The following SLAIN2 variants were observed in gnomAD, a reference collection of about 807,000 sequenced individuals.
SLAIN2 encodes SLAIN family member 2, also known as SLAIN motif-containing protein 2.
In SLAIN2, 31 loss-of-function variants were observed where a neutral mutation model predicts 56.6. The observed-to-expected ratio is 0.55, with a 90% CI of 0.41 to 0.74. The LOEUF (loss-of-function observed/expected upper bound fraction) is 0.74, where lower values mean the gene tolerates loss of function less well. Ranked by LOEUF, SLAIN2 falls within the 30% of genes least tolerant of loss-of-function variation. The pLI, the probability that SLAIN2 is intolerant of heterozygous loss-of-function variation, is 0.00. For synonymous variants in SLAIN2, 317 were observed against 284.9 expected (o/e 1.11, Z -1.13); for missense variants, 777 against 754.2 (o/e 1.03, Z -0.35).
intron 1 of SLAIN2, among the ~76,000 whole-genome samples, chr4:48,360,056 A>G (rs1032629953): frequency 2.6e-5 from 4 of 151,936 alleles, no homozygotes; most frequent in Admixed American, 2.6e-4. Flanking sequence ...CAGGAGGCTG[A>G]GGCAGGAGAA....
At chr4:48,364,284 G>A (rs1280651954) in intron 1 of SLAIN2, among the ~76,000 whole-genome samples, 1,186 of 92,106 alleles carry the variant, frequency 0.013, 8 homozygotes, top group Middle Eastern at 0.033. Flanking sequence ...GATGGGCGGC[G>A]GGGCAGAGAC....
At chr4:48,374,148 G>T (rs1177244827) in intron 2 of SLAIN2, among the ~76,000 whole-genome samples, 1 of 152,196 alleles carries the variant, frequency 6.6e-6, no homozygotes, top group African/African-American at 2.4e-5. Context: ...GAAGAGTAAG[G>T]AAAGGAGAGA....
chr4:48,347,037 A>G (rs1026813616), intron 1 of SLAIN2, among the ~76,000 whole-genome samples: 5 of 151,470 alleles, frequency 3.3e-5, no homozygotes, highest in African/African-American at 4.9e-5. Context: ...TTTTTTCTTT[A>G]ATGGAACAAA....
chr4:48,382,468 C>A, intron 4 of SLAIN2, 100 bp from the exon 5 acceptor site: 1 of 1,234,178 alleles, frequency 8.1e-7, no homozygotes, highest in Non-Finnish European at 1.1e-6. Context: ...ACACTTTACA[C>A]CCTCTTTGAA....
At chr4:48,373,760 G>A (rs1277271641) in intron 2 of SLAIN2, among the ~76,000 whole-genome samples, 1 of 152,152 alleles carries the variant, frequency 6.6e-6, no homozygotes, top group African/African-American at 2.4e-5. Flanking sequence ...AAGAGATGTG[G>A]CCGGGCGCAG....
At position 48,370,897 on chromosome 4, in the gene SLAIN2, G is replaced by A. The variant is rs1577718597; in HGVS notation, c.538+900G>A. ...TATGTGCTTTGTGGTTAGAGTTTAA[G>A]CTGAAAATGGTCACAGGAAGCAGAG... is the stretch of plus-strand genomic sequence containing the variant. On this transcript the variant is annotated intron_variant, in intron 2 of 7. Transcript: ENST00000264313. 2.0e-5 allele frequency among the ~76,000 whole-genome samples: 3 copies of A among 152,098 alleles called. No homozygotes were observed. The East Asian group carries it at 5.8e-4, about 29-fold the overall frequency.
At chr4:48,354,446 C>G (rs1270225792) in intron 1 of SLAIN2, among the ~76,000 whole-genome samples, 1 of 147,408 alleles carries the variant, frequency 6.8e-6, no homozygotes, top group Non-Finnish European at 1.5e-5. Flanking sequence ...AGAGAGAGAT[C>G]CTCGTTAATT....
chr4:48,371,481 A>G (rs1715662293), intron 2 of SLAIN2, among the ~76,000 whole-genome samples: 2 of 152,294 alleles, frequency 1.3e-5, no homozygotes, highest in South Asian at 4.1e-4. Context: ...TGTAAGTTAT[A>G]TTCATAAGAG....
intron 6 of SLAIN2, among the ~76,000 whole-genome samples, chr4:48,419,392 C>A (rs1437220147): frequency 6.6e-6 from 1 of 152,110 alleles, no homozygotes; most frequent in Non-Finnish European, 1.5e-5. Flanking sequence ...GTGTGAGTTA[C>A]CACGCCTGAT....
chr4:48,351,898 C>T (rs1482908920), intron 1 of SLAIN2, among the ~76,000 whole-genome samples: 9 of 152,100 alleles, frequency 5.9e-5, no homozygotes, highest in Admixed American at 3.3e-4. Context: ...TGGATTTGGG[C>T]ACACATGGAA....
rs11347630 is a variant in SLAIN2 at position 48,376,913 on chromosome 4, C to CTT, written c.539-963_539-962dup. On this transcript the variant is annotated intron_variant, in intron 2 of 7. Coordinates refer to ENST00000264313, the MANE Select transcript of SLAIN2 (RefSeq NM_020846.2). ...AGCGTGAGCCACCGCGCCCGGCCGA[C>CTT]TTTTTTTTTTTTTTTTTTTTTAAGG... is the stretch of plus-strand genomic sequence containing the variant. 2.8e-3 allele frequency among the ~76,000 whole-genome samples: 311 copies of CTT among 111,724 alleles called. 3 individuals are homozygous for CTT. The highest frequency in any genetic ancestry group is 1.0e-2 in the African/African-American group (291 of 29,112). 73.3% of individuals were successfully genotyped at this position (111,724 alleles called of 152,430 possible). A position where few individuals can be genotyped will look rare whatever the true frequency, so the allele number is the denominator to read the frequency against.
intron 2 of SLAIN2, 98 bp downstream of exon 2, chr4:48,370,095 A>G (rs1715625093): frequency 1.6e-6 from 2 of 1,234,412 alleles, no homozygotes; most frequent in Admixed American, 2.4e-5. Context: ...AATTCTTTGG[A>G]GCATTTTTCA....
chr4:48,360,059 C>CA (rs957155155), intron 1 of SLAIN2, among the ~76,000 whole-genome samples: 6 of 151,500 alleles, frequency 4.0e-5, no homozygotes, highest in Non-Finnish European at 8.8e-5. Context: ...GAGGCTGAGG[C>CA]AGGAGAATCG....
At chr4:48,392,337 T>C (rs16861282) in intron 6 of SLAIN2, among the ~76,000 whole-genome samples, 1 of 152,094 alleles carries the variant, frequency 6.6e-6, no homozygotes, top group East Asian at 1.9e-4. Context: ...CAATCACATG[T>C]GAAACTTGAG....
At chr4:48,396,672 A>G (rs895681590) in intron 6 of SLAIN2, among the ~76,000 whole-genome samples, 12 of 152,222 alleles carry the variant, frequency 7.9e-5, no homozygotes, top group African/African-American at 2.7e-4. Context: ...GTAAAGAAAC[A>G]TGGACCAACA....
chr4:48,416,512 A>G (rs1716999507), intron 6 of SLAIN2, among the ~76,000 whole-genome samples: 1 of 143,086 alleles, frequency 7.0e-6, no homozygotes, highest in Non-Finnish European at 1.5e-5. Flanking sequence ...GCAAACAGGG[A>G]CAATTTGACT....
At position 48,424,335 on chromosome 4, in the gene SLAIN2, C is replaced by T. The variant is rs961947075; in HGVS notation, c.*2258C>T. 6.6e-6 allele frequency: 1 copy of T among 152,020 alleles called. No individual in the cohort carries two copies. Among genetic ancestry groups the T allele is most frequent in the African/African-American group, 2.4e-5 (1 of 41,402 alleles). The allele number at this position is 152,020 out of a possible 1,614,324, so 9.4% of individuals were successfully genotyped here. A position where few individuals can be genotyped will look rare whatever the true frequency, so the allele number is the denominator to read the frequency against. Reference sequence around the variant, plus strand: ...CTGTTTGGGAAAATCTAAGGATTTACTGTGGTTAGTCTTACAGAAGAAATG... The same window carrying T: ...CTGTTTGGGAAAATCTAAGGATTTATTGTGGTTAGTCTTACAGAAGAAATG... On this transcript the variant is annotated 3_prime_UTR_variant, in exon 8 of 8. Transcript: ENST00000264313.
intron 6 of SLAIN2, among the ~76,000 whole-genome samples, chr4:48,399,571 G>C (rs1355574925): frequency 6.6e-6 from 1 of 152,076 alleles, no homozygotes; most frequent in African/African-American, 2.4e-5. Context: ...AGAGCATCGT[G>C]GTCTTGTGCT....
At chr4:48,381,168 TC>T (rs1290914223) in intron 4 of SLAIN2, among the ~76,000 whole-genome samples, 3 of 152,182 alleles carry the variant, frequency 2.0e-5, no homozygotes, top group African/African-American at 7.2e-5. Context: ...GCTTTTTAGA[TC>T]CTAGTATTTT....
Sources: allele counts gnomAD v4.1 joint callset (sites outside exome capture counted in the v4.1 genomes callset), GRCh38; gene constraint gnomAD v4.1.1; transcripts MANE v1.5; gene names NCBI Gene and HGNC (gene_info 2026-07-23, HGNC 2026-07-21).